Variants in PPP6R3 observed in about 807,000 individuals in gnomAD.
PPP6R3 encodes serine/threonine-protein phosphatase 6 regulatory subunit 3.
PPP6R3 carries 38 observed loss-of-function variants against 110.7 expected under a neutral mutation model. The ratio of observed to expected loss-of-function variants is 0.34; its 90% CI spans 0.26 to 0.45. The LOEUF (loss-of-function observed/expected upper bound fraction) is 0.45. Among genes scored for constraint, PPP6R3 ranks in the 20% least tolerant of loss-of-function variants. The pLI, the probability that PPP6R3 is intolerant of heterozygous loss-of-function variation, is 1.00. For synonymous variants in PPP6R3, 369 were observed against 373.5 expected, an observed-to-expected ratio of 0.99 and a Z score of 0.14; for missense variants, 870 against 1,062.4, an observed-to-expected ratio of 0.82 and a Z score of 2.52.
At chr11:68,576,072 C>A in intron 14 of PPP6R3, 29 bp downstream of exon 14, 5 of 1,481,578 alleles carry the variant, frequency 3.4e-6, no homozygotes, top group African/African-American at 1.4e-5. Context: ...CATTTTTATT[C>A]TTTCAGTGCT....
chr11:68,526,153 G>C (rs1186898816), intron 2 of PPP6R3, among the ~76,000 whole-genome samples: 2 of 152,034 alleles, frequency 1.3e-5, no homozygotes, highest in African/African-American at 4.8e-5. Context: ...GTTCGCTCTT[G>C]GAATCCTGCC....
intron 8 of PPP6R3, among the ~76,000 whole-genome samples, chr11:68,562,418 T>G (rs1400756580): frequency 6.6e-6 from 1 of 152,202 alleles, no homozygotes; most frequent in Non-Finnish European, 1.5e-5. Context: ...CTAAGCAGGA[T>G]TTTTTAGAAA....
chr11:68,486,275 T>C (rs972298733), intron 1 of PPP6R3, among the ~76,000 whole-genome samples: 1 of 152,088 alleles, frequency 6.6e-6, no homozygotes, highest in Admixed American at 6.6e-5. Context: ...TTTGGTATTA[T>C]GGTTATGCTG....
intron 14 of PPP6R3, among the ~76,000 whole-genome samples, chr11:68,581,776 C>T (rs921915526): frequency 6.6e-6 from 1 of 152,214 alleles, no homozygotes; most frequent in African/African-American, 2.4e-5. Context: ...AAGCAGGTGC[C>T]GTTCCTTGAT....
chr11:68,554,730 C>G (rs1406359023), intron 7 of PPP6R3, among the ~76,000 whole-genome samples: 1 of 152,102 alleles, frequency 6.6e-6, no homozygotes, highest in African/African-American at 2.4e-5. Context: ...TTTCTAGATT[C>G]ACATGTTTTT....
intron 23 of PPP6R3, 23 bp downstream of exon 23, chr11:68,610,046 C>A (rs1288557726): frequency 6.2e-7 from 1 of 1,610,990 alleles, no homozygotes; most frequent in Non-Finnish European, 8.5e-7. Context: ...CTCCTCAAAC[C>A]CACCCAGGCC....
chr11:68,499,801 G>A (rs143720631), intron 1 of PPP6R3, among the ~76,000 whole-genome samples: 401 of 152,222 alleles, frequency 2.6e-3, no homozygotes, highest in African/African-American at 8.9e-3. Flanking sequence ...TCAAACTCCT[G>A]GGTTTGAGCA....
chr11:68,600,739 G>T (rs1435706420), intron 20 of PPP6R3, among the ~76,000 whole-genome samples: 2 of 152,188 alleles, frequency 1.3e-5, no homozygotes, highest in Admixed American at 1.3e-4. Context: ...AGCTTGTGAG[G>T]ATGCGGTCCC....
In PPP6R3 at chr11:68,533,671, C is replaced by A. The variant is rs546077030; in HGVS notation, c.-6-3988C>A. Among the ~76,000 whole-genome samples, 4 of 118,110 alleles carry A rather than the reference C, an allele frequency of 3.4e-5. No individual in the cohort carries two copies. The Admixed American group carries it at 4.7e-4, about 14-fold the overall frequency. 77.5% of individuals were successfully genotyped at this position (118,110 alleles called of 152,430 possible). On this transcript the variant is annotated intron_variant, in intron 2 of 23. Coordinates refer to ENST00000393800, the MANE Select transcript of PPP6R3 (RefSeq NM_001164161.2). ...AGTGAGCCAGGGTCATGCCACTGCACACCAGCCTGGGTGACAGAGCAAGAC... is the reference window on the plus strand; with the variant it reads ...AGTGAGCCAGGGTCATGCCACTGCAAACCAGCCTGGGTGACAGAGCAAGAC...
intron 2 of PPP6R3, among the ~76,000 whole-genome samples, chr11:68,529,288 G>A (rs1370508554): frequency 6.6e-6 from 1 of 152,114 alleles, no homozygotes; most frequent in East Asian, 1.9e-4. Flanking sequence ...GCACAATCTC[G>A]GCTCACTGCA....
At chr11:68,591,388 T>G (rs973226840) in intron 17 of PPP6R3, among the ~76,000 whole-genome samples, 188 bp from the exon 18 acceptor site, 5 of 152,142 alleles carry the variant, frequency 3.3e-5, no homozygotes, top group African/African-American at 1.2e-4. Context: ...AAACCCAGTC[T>G]TTTTTTAGGG....
chr11:68,591,815 A>G (rs1051267409), intron 18 of PPP6R3, 109 bp downstream of exon 18: 6 of 1,326,338 alleles, frequency 4.5e-6, no homozygotes, highest in Non-Finnish European at 5.9e-6. Flanking sequence ...CCCAGAAACC[A>G]GTGTTTTTTT....
chr11:68,494,822 C>T (rs914222807), intron 1 of PPP6R3, among the ~76,000 whole-genome samples: 1 of 152,090 alleles, frequency 6.6e-6, no homozygotes, highest in Non-Finnish European at 1.5e-5. Context: ...CCCCCAGCCC[C>T]ATTATTGAGA....
chr11:68,519,049 T>C (rs1431029342), intron 1 of PPP6R3, among the ~76,000 whole-genome samples: 1 of 152,230 alleles, frequency 6.6e-6, no homozygotes, highest in Non-Finnish European at 1.5e-5. Context: ...TTCAGTGATC[T>C]TAATGTTCTA....
intron 9 of PPP6R3, 147 bp downstream of exon 9, chr11:68,564,579 A>T: frequency 1.2e-6 from 1 of 868,514 alleles, no homozygotes; most frequent in African/African-American, 1.7e-5. Context: ...AGTGATTTTT[A>T]CTGCTTTTGA....
chr11:68,520,962 G>A (rs1204933061), intron 2 of PPP6R3, among the ~76,000 whole-genome samples: 1 of 152,144 alleles, frequency 6.6e-6, no homozygotes, highest in Admixed American at 6.6e-5. Flanking sequence ...TGTAGAGACG[G>A]TGTCTCACTA....
chr11:68,534,750 A>T (rs1239188981), intron 2 of PPP6R3, among the ~76,000 whole-genome samples: 1 of 152,168 alleles, frequency 6.6e-6, no homozygotes, highest in Non-Finnish European at 1.5e-5. Context: ...GGGGAAGAGT[A>T]GTAAAAATAT....
At chr11:68,533,467 C>T (rs1488384816) in intron 2 of PPP6R3, among the ~76,000 whole-genome samples, 1 of 151,902 alleles carries the variant, frequency 6.6e-6, no homozygotes, top group East Asian at 1.9e-4. Flanking sequence ...AATCCCAGCA[C>T]TTTGAGAGGC....
chr11:68,610,513 G>A (rs930615831), intron 23 of PPP6R3, among the ~76,000 whole-genome samples: 6 of 152,208 alleles, frequency 3.9e-5, no homozygotes, highest in Non-Finnish European at 7.3e-5. Flanking sequence ...TAGTGCTTAA[G>A]TGACTCCCTG....
Sources: allele counts gnomAD v4.1 joint callset (sites outside exome capture counted in the v4.1 genomes callset), GRCh38; gene constraint gnomAD v4.1.1; transcripts MANE v1.5; gene names NCBI Gene and HGNC (gene_info 2026-07-23, HGNC 2026-07-21).